The following RSPO2 variants were observed in gnomAD, a reference collection of about 807,000 sequenced individuals.
RSPO2 encodes the protein R-spondin-2.
RSPO2 carries 14 observed loss-of-function variants against 30.9 expected under a neutral mutation model. That is an observed-to-expected ratio of 0.45 (90% CI 0.30 to 0.71). RSPO2 has a LOEUF of 0.71. Among genes scored for constraint, RSPO2 ranks in the 30% least tolerant of loss-of-function variants. The pLI is 0.08. For synonymous variants in RSPO2, 107 were observed against 96.4 expected (o/e 1.11, Z -0.64); for missense variants, 264 against 301.9 (o/e 0.87, Z 0.93).
chr8:107,986,235 A>T (rs947257699), intron 3 of RSPO2, among the ~76,000 whole-genome samples: 1 of 152,228 alleles, frequency 6.6e-6, no homozygotes, highest in African/African-American at 2.4e-5. Flanking sequence ...TGAAAGAAAC[A>T]TGATTATCCA....
chr8:108,015,388 C>G (rs1442461920), intron 2 of RSPO2, among the ~76,000 whole-genome samples: 2 of 152,100 alleles, frequency 1.3e-5, no homozygotes, highest in African/African-American at 4.8e-5. Context: ...GTCACAAACC[C>G]TATCTTGAGA....
rs529768539 is a variant in RSPO2 at position 107,901,220 on chromosome 8, T to G, written c.617-30A>C. On this transcript the variant is annotated intron_variant, in intron 5 of 5. Transcript: ENST00000276659. ...AATGAAGGAAAGAAAAGAAGAGATG[T>G]CAGAAATGGCTCTTTCTCTAGGAAA... 3.9e-5 allele frequency: 62 copies of G among 1,588,516 alleles called. No homozygotes were observed. In the East Asian group the frequency reaches 1.4e-3, roughly 35 times the overall value.
intron 2 of RSPO2, among the ~76,000 whole-genome samples, chr8:108,051,901 T>C (rs2130680798): frequency 6.6e-6 from 1 of 152,202 alleles, no homozygotes; most frequent in South Asian, 2.1e-4. Flanking sequence ...TTGGCATGGG[T>C]TGGAGGGTGG....
intron 5 of RSPO2, among the ~76,000 whole-genome samples, chr8:107,908,751 T>C (rs1332975866): frequency 1.3e-5 from 2 of 152,192 alleles, no homozygotes; most frequent in Non-Finnish European, 2.9e-5. Flanking sequence ...GTTAAAAAGA[T>C]ATTTGGGCTA....
At chr8:107,904,038 G>GA (rs775928282) in intron 5 of RSPO2, among the ~76,000 whole-genome samples, 3 of 151,958 alleles carry the variant, frequency 2.0e-5, no homozygotes, top group Non-Finnish European at 4.4e-5. Flanking sequence ...TCAAACATGA[G>GA]AAAAGAAATC....
chr8:108,058,568 G>T (rs1409845833), intron 2 of RSPO2, among the ~76,000 whole-genome samples: 1 of 152,070 alleles, frequency 6.6e-6, no homozygotes, highest in African/African-American at 2.4e-5. Flanking sequence ...GAACAAAGCT[G>T]GAGGCATCAC....
At chr8:107,982,009 C>CAAAAAAAAAAAAA (rs372977834) in intron 3 of RSPO2, among the ~76,000 whole-genome samples, 78 of 55,362 alleles carry the variant, frequency 1.4e-3, no homozygotes, top group African/African-American at 1.8e-3. Flanking sequence ...ACAACAACAA[C>CAAAAAAAAAAAAA]AAAAAAAAAA....
intron 2 of RSPO2, among the ~76,000 whole-genome samples, chr8:107,994,163 G>T (rs1814938952): frequency 6.6e-6 from 1 of 151,930 alleles, no homozygotes; most frequent in Non-Finnish European, 1.5e-5. Context: ...CTGGATTTTG[G>T]TTACACAAAT....
At chr8:108,059,794 T>C (rs1212408174) in intron 2 of RSPO2, among the ~76,000 whole-genome samples, 3 of 141,458 alleles carry the variant, frequency 2.1e-5, no homozygotes, top group South Asian at 2.2e-4. Flanking sequence ...TAGGTGGGAA[T>C]TGAACAATGA....
chr8:107,936,580 T>C (rs996194875), intron 5 of RSPO2, among the ~76,000 whole-genome samples: 1 of 152,184 alleles, frequency 6.6e-6, no homozygotes, highest in Non-Finnish European at 1.5e-5. Context: ...TTTCCACCAA[T>C]GGTATAGAAG....
intron 5 of RSPO2, among the ~76,000 whole-genome samples, chr8:107,913,129 T>C (rs1811873524): frequency 6.6e-6 from 1 of 152,042 alleles, no homozygotes. Flanking sequence ...ATCAGAGAGG[T>C]AAAGTAAACC....
chr8:108,049,425 T>C (rs140396038), intron 2 of RSPO2, among the ~76,000 whole-genome samples: 7 of 152,042 alleles, frequency 4.6e-5, no homozygotes, highest in East Asian at 1.9e-4. Context: ...CTGGGATACA[T>C]GTGCAGAACA....
At chr8:108,046,730 T>C (rs892518013) in intron 2 of RSPO2, among the ~76,000 whole-genome samples, 1 of 152,174 alleles carries the variant, frequency 6.6e-6, no homozygotes, top group Admixed American at 6.5e-5. Flanking sequence ...TATCAGGGTA[T>C]GCAATTTTGC....
At chr8:108,073,951 T>C (rs1025521815) in intron 2 of RSPO2, among the ~76,000 whole-genome samples, 4 of 152,220 alleles carry the variant, frequency 2.6e-5, no homozygotes, top group African/African-American at 9.6e-5. Flanking sequence ...CCACCTCCTA[T>C]TTTTTAAGCC....
At chr8:108,018,106 C>T (rs149442744) in intron 2 of RSPO2, among the ~76,000 whole-genome samples, 1 of 151,650 alleles carries the variant, frequency 6.6e-6, no homozygotes. Flanking sequence ...TAAAATTATA[C>T]CCTCATTTCA....
intron 3 of RSPO2, among the ~76,000 whole-genome samples, chr8:107,981,523 A>AAAAGAAAG (rs71308763): frequency 2.6e-5 from 4 of 151,396 alleles, no homozygotes; most frequent in East Asian, 2.0e-4. Flanking sequence ...TGTCTCAGAA[A>AAAAGAAAG]AAAGAAAGAA....
intron 2 of RSPO2, among the ~76,000 whole-genome samples, chr8:108,006,519 AG>A (rs1318464649): frequency 6.6e-6 from 1 of 152,082 alleles, no homozygotes; most frequent in African/African-American, 2.4e-5. Context: ...GCATAGCTTA[AG>A]GAGAAGATAT....
chr8:108,024,031 G>A (rs1811129210), intron 2 of RSPO2, among the ~76,000 whole-genome samples: 1 of 152,052 alleles, frequency 6.6e-6, no homozygotes, highest in Non-Finnish European at 1.5e-5. Context: ...AAAATTTCAT[G>A]GTGTGTTGTC....
At chr8:107,915,860 T>G (rs1193388411) in intron 5 of RSPO2, among the ~76,000 whole-genome samples, 3 of 152,154 alleles carry the variant, frequency 2.0e-5, no homozygotes, top group African/African-American at 4.8e-5. Context: ...CGGAGAATCT[T>G]TTGCCTGTGG....
Sources: allele counts gnomAD v4.1 joint callset (sites outside exome capture counted in the v4.1 genomes callset), GRCh38; gene constraint gnomAD v4.1.1; transcripts MANE v1.5; gene names NCBI Gene and HGNC (gene_info 2026-07-23, HGNC 2026-07-21).